The following ARHGAP15 variants were observed in gnomAD, a reference collection of about 807,000 sequenced individuals.
ARHGAP15 encodes Rho GTPase activating protein 15.
Under a neutral mutation model 63.7 loss-of-function variants are expected in ARHGAP15, and 51 were observed. The observed-to-expected ratio is 0.80, with a 90% CI of 0.64 to 1.01. ARHGAP15 has a LOEUF of 1.01. Ranked by LOEUF, ARHGAP15 falls within the 50% of genes least tolerant of loss-of-function variation. ARHGAP15 has a pLI of 0.00. For missense variants in ARHGAP15, 560 were observed against 564.6 expected, an observed-to-expected ratio of 0.99 and a Z score of 0.08; for synonymous variants, 191 against 193.8, an observed-to-expected ratio of 0.99 and a Z score of 0.12.
chr2:143,208,750 A>G (rs780923774), intron 3 of ARHGAP15, among the ~76,000 whole-genome samples: 34 of 152,142 alleles, frequency 2.2e-4, no homozygotes, highest in Non-Finnish European at 4.6e-4. Context: ...AATTATTTTC[A>G]GGGTACTTTT....
chr2:143,256,893 C>T (rs373804960), intron 6 of ARHGAP15, among the ~76,000 whole-genome samples: 1 of 151,990 alleles, frequency 6.6e-6, no homozygotes, highest in Admixed American at 6.6e-5. Context: ...AGCATGTTAG[C>T]TTTGACTGAT....
intron 11 of ARHGAP15, among the ~76,000 whole-genome samples, chr2:143,594,994 T>C (rs1213574039): frequency 5.3e-5 from 8 of 152,084 alleles, no homozygotes; most frequent in Non-Finnish European, 1.2e-4. Context: ...AATGATGGAG[T>C]GTCAACTCTA....
chr2:143,499,149 A>G (rs1452991696), intron 9 of ARHGAP15, among the ~76,000 whole-genome samples: 1 of 152,146 alleles, frequency 6.6e-6, no homozygotes, highest in African/African-American at 2.4e-5. Flanking sequence ...ACTGCCAAAC[A>G]TATTATGAAT....
intron 6 of ARHGAP15, among the ~76,000 whole-genome samples, chr2:143,403,196 T>G (rs952476067): frequency 6.6e-6 from 1 of 151,886 alleles, no homozygotes; most frequent in African/African-American, 2.4e-5. Flanking sequence ...ATTGTAATTA[T>G]TTTTTATTTT....
chr2:143,679,825 T>C (rs1683016060), intron 12 of ARHGAP15, among the ~76,000 whole-genome samples: 1 of 152,058 alleles, frequency 6.6e-6, no homozygotes, highest in South Asian at 2.1e-4. Context: ...GAATCTATTA[T>C]TCATATCATT....
intron 1 of ARHGAP15, among the ~76,000 whole-genome samples, chr2:143,137,727 A>G (rs1386364957): frequency 1.3e-5 from 2 of 152,092 alleles, no homozygotes; most frequent in Non-Finnish European, 2.9e-5. Flanking sequence ...TAAAAGAGTC[A>G]AAACAGAACA....
intron 6 of ARHGAP15, among the ~76,000 whole-genome samples, chr2:143,378,954 C>A (rs1686931067): frequency 1.3e-5 from 2 of 151,498 alleles, no homozygotes; most frequent in South Asian, 4.2e-4. Context: ...AACCTTGGAA[C>A]CAATAAGGTT....
chr2:143,451,576 CA>C (rs1690409108), intron 8 of ARHGAP15, among the ~76,000 whole-genome samples: 1 of 151,620 alleles, frequency 6.6e-6, no homozygotes, highest in South Asian at 2.1e-4. Context: ...CTCAGAAAAT[CA>C]AAAGTAGACA....
At chr2:143,134,836 A>G (rs934514862) in intron 1 of ARHGAP15, among the ~76,000 whole-genome samples, 3 of 151,964 alleles carry the variant, frequency 2.0e-5, no homozygotes, top group Non-Finnish European at 2.9e-5. Flanking sequence ...TCGGGGTTTC[A>G]CGGTGTTAGC....
Position 143,701,871 on chromosome 2 carries a change from T to C in ARHGAP15, c.1139-1548T>C, listed in dbSNP as rs186603328. Among the ~76,000 whole-genome samples the C allele has an allele frequency of 1.6e-4, 24 of 152,264 alleles. No homozygotes were observed. The East Asian group carries it at 1.7e-3, about 11-fold the overall frequency. The stretch of plus-strand genomic sequence containing the variant: ...ATTAGCTCATAGTACAGCCACTCCA[T>C]CTACATTCAAAGAAACAGAAAGGAG... On this transcript the variant is annotated intron_variant, in intron 12 of 13. Coordinates refer to ENST00000295095, the MANE Select transcript of ARHGAP15 (RefSeq NM_018460.4).
intron 13 of ARHGAP15, among the ~76,000 whole-genome samples, chr2:143,735,119 T>C (rs1685694834): frequency 6.6e-6 from 1 of 152,274 alleles, no homozygotes; most frequent in Non-Finnish European, 1.5e-5. Flanking sequence ...TAATTTACTT[T>C]GCTTTGTTTT....
In ARHGAP15 at chr2:143,547,568, T is replaced by TA. The variant is rs10552945; in HGVS notation, c.926-8828dup. Among the ~76,000 whole-genome samples, 661 of 150,922 alleles carry TA rather than the reference T, an allele frequency of 4.4e-3. 2 individuals are homozygous for TA. Among genetic ancestry groups the TA allele is most frequent in the Non-Finnish European group, 5.2e-3 (351 of 67,704 alleles). On this transcript the variant is annotated intron_variant, in intron 10 of 13. Coordinates refer to ENST00000295095, the MANE Select transcript of ARHGAP15 (RefSeq NM_018460.4). Reference sequence around the variant, plus strand: ...AGGTATAGATAAGCATCTCCAATTATAAAAAAAAAAAATTGGTTAGATATT... The same window carrying TA: ...AGGTATAGATAAGCATCTCCAATTATAAAAAAAAAAAAATTGGTTAGATATT...
intron 11 of ARHGAP15, among the ~76,000 whole-genome samples, chr2:143,569,408 G>A (rs1203731180): frequency 6.6e-6 from 1 of 152,206 alleles, no homozygotes; most frequent in African/African-American, 2.4e-5. Flanking sequence ...GGAGACGGGT[G>A]AGGTGGCCCT....
intron 12 of ARHGAP15, among the ~76,000 whole-genome samples, chr2:143,683,681 AT>A (rs1343287773): frequency 6.6e-6 from 1 of 152,184 alleles, no homozygotes; most frequent in African/African-American, 2.4e-5. Flanking sequence ...CTTTTCAAAT[AT>A]TTTTACAAAT....
At chr2:143,253,837 A>C (rs1343205520) in intron 6 of ARHGAP15, among the ~76,000 whole-genome samples, 1 of 151,974 alleles carries the variant, frequency 6.6e-6, no homozygotes, top group Non-Finnish European at 1.5e-5. Flanking sequence ...TAGGAAATAG[A>C]GTAAGCACTT....
intron 1 of ARHGAP15, among the ~76,000 whole-genome samples, chr2:143,131,155 A>C (rs1688899449): frequency 6.6e-6 from 1 of 152,192 alleles, no homozygotes; most frequent in Non-Finnish European, 1.5e-5. Context: ...TATGTGTAAA[A>C]TTAAGAATGA....
chr2:143,712,654 G>GA (rs1048818802), intron 13 of ARHGAP15, among the ~76,000 whole-genome samples: 1 of 152,126 alleles, frequency 6.6e-6, no homozygotes, highest in African/African-American at 2.4e-5. Flanking sequence ...CATATTGATA[G>GA]AAAAAACATT....
chr2:143,539,759 T>C (rs147978282), intron 10 of ARHGAP15, among the ~76,000 whole-genome samples: 32,170 of 151,878 alleles, frequency 0.21, 3,699 homozygotes, highest in Middle Eastern at 0.29. Context: ...TTGTTATAAT[T>C]TCTGTTCTTT....
intron 11 of ARHGAP15, among the ~76,000 whole-genome samples, chr2:143,560,639 C>T (rs897063475): frequency 6.6e-6 from 1 of 152,208 alleles, no homozygotes; most frequent in South Asian, 2.1e-4. Flanking sequence ...TTACACCCCG[C>T]CTCTTGGTGT....
Sources: gnomAD v4.1 joint callset for allele counts (sites outside exome capture counted in the v4.1 genomes callset) on GRCh38, gnomAD v4.1.1 for gene constraint, MANE v1.5 for transcripts, NCBI Gene and HGNC (gene_info 2026-07-23, HGNC 2026-07-21) for gene names.